Variants in PRH1 observed in about 807,000 individuals in gnomAD.
PRH1 encodes the protein salivary acidic proline-rich phosphoprotein 1/2.
In PRH1, 7 loss-of-function variants were observed where a neutral mutation model predicts 7.9. The ratio of observed to expected loss-of-function variants is 0.89; its 90% CI spans 0.50 to 1.67. PRH1 has a LOEUF of 1.67. Among genes scored for constraint, PRH1 ranks in the 40% most tolerant of loss-of-function variants. The pLI is 0.00. For missense variants in PRH1, 109 were observed against 223.6 expected (o/e 0.49, Z 3.27); for synonymous variants, 45 against 80.8 (o/e 0.56, Z 2.38).
chr12:10,970,649 C>T (rs1447124027), intron 2 of PRH1, among the ~76,000 whole-genome samples: 1 of 151,640 alleles, frequency 6.6e-6, no homozygotes, highest in African/African-American at 2.4e-5. Flanking sequence ...ACTACAACCT[C>T]CGCCTCCCAG....
At chr12:11,041,705 T>C (rs1181545455) in intron 1 of PRH1, among the ~76,000 whole-genome samples, 1 of 152,194 alleles carries the variant, frequency 6.6e-6, no homozygotes, top group Non-Finnish European at 1.5e-5. Context: ...TGGATTTTTC[T>C]CAAGGATAGA....
chr12:10,933,155 A>C (rs1950237768), intron 2 of PRH1, among the ~76,000 whole-genome samples: 2 of 152,154 alleles, frequency 1.3e-5, no homozygotes, highest in African/African-American at 4.8e-5. Context: ...CAAGTGTTTT[A>C]AAAGATGAGT....
At chr12:10,939,903 G>C (rs990219321) in intron 2 of PRH1, among the ~76,000 whole-genome samples, 5 of 151,910 alleles carry the variant, frequency 3.3e-5, no homozygotes, top group African/African-American at 1.2e-4. Flanking sequence ...ATTATCATTT[G>C]AATACGTTAA....
intron 1 of PRH1, among the ~76,000 whole-genome samples, chr12:11,138,990 C>T (rs567978645): frequency 1.1e-4 from 17 of 152,180 alleles, no homozygotes; most frequent in South Asian, 8.3e-4. Flanking sequence ...CATTGAGCCG[C>T]GATTGCACTT....
intron 1 of PRH1, among the ~76,000 whole-genome samples, chr12:11,129,873 G>C (rs1055749897): frequency 1.3e-5 from 2 of 152,180 alleles, no homozygotes; most frequent in Admixed American, 1.3e-4. Context: ...ATTACAGACC[G>C]GGCCCTGTGG....
At chr12:11,159,256 T>C (rs923007605) in intron 1 of PRH1, 3 of 151,388 alleles carry the variant, frequency 2.0e-5, no homozygotes, top group African/African-American at 7.3e-5. Flanking sequence ...GCATTGGACA[T>C]AAAAAGGTAA....
intron 1 of PRH1, chr12:10,986,024 T>G: frequency 1.9e-6 from 3 of 1,613,938 alleles, no homozygotes; most frequent in Non-Finnish European, 2.5e-6. Flanking sequence ...TTCTCCAAAT[T>G]AGGATGAATG....
rs1323305644 is a variant in PRH1 at position 11,094,169 on chromosome 12, G to A, written n.124-46981C>T. 1.8e-5 allele frequency among the ~76,000 whole-genome samples: 2 copies of A among 111,822 alleles called. 1 individual carries two copies. Among genetic ancestry groups the A allele is most frequent in the African/African-American group, 6.0e-5 (2 of 33,094 alleles). The allele number at this position is 111,822 out of a possible 152,430, so 73.4% of individuals were successfully genotyped here. ...ATACAAAAATTAGCAGGGCATGGTG[G>A]TGTGGGCCTGTAGCCCCAGCTACTC... On this transcript the variant is annotated intron_variant and non_coding_transcript_variant, in intron 1 of 4. Transcript: ENST00000541977.
At chr12:11,151,234 G>A (rs1332262117) in intron 1 of PRH1, among the ~76,000 whole-genome samples, 1 of 150,990 alleles carries the variant, frequency 6.6e-6, no homozygotes, top group Non-Finnish European at 1.5e-5. Context: ...ACACGAAGTT[G>A]CAGGCTGCTG....
chr12:11,075,220 TAAGA>T (rs1944244935), intron 1 of PRH1, among the ~76,000 whole-genome samples: 1 of 132,284 alleles, frequency 7.6e-6, no homozygotes, highest in African/African-American at 2.7e-5. Context: ...AAATAATGTG[TAAGA>T]AAGGTGACTC....
chr12:11,086,026 T>C (rs1944674654), intron 1 of PRH1, among the ~76,000 whole-genome samples: 2 of 138,242 alleles, frequency 1.4e-5, no homozygotes, highest in African/African-American at 5.2e-5. Context: ...GGAAGGCCAA[T>C]ATTCCTTAAA....
rs561587904 is a variant in PRH1, at chr12:11,040,044, T to A, written c.-126+6976A>T. Among the ~76,000 whole-genome samples the A allele has an allele frequency of 2.6e-5, 4 of 152,306 alleles. No individual in the cohort carries two copies. In the South Asian group the frequency reaches 6.2e-4, roughly 24 times the overall value. ...CTCTAGAGCCCAGTTAATACTTAAA[T>A]ATTTATTGTTTAATTAAAATACTCA... On this transcript the variant is annotated intron_variant, in intron 1 of 3. Coordinates refer to the PRH1 transcript ENST00000539853.
At chr12:11,151,823 T>C (rs960280350) in intron 1 of PRH1, among the ~76,000 whole-genome samples, 2 of 152,166 alleles carry the variant, frequency 1.3e-5, no homozygotes, top group Non-Finnish European at 2.9e-5. Flanking sequence ...TTCACAACTA[T>C]TTTATAAACA....
intron 1 of PRH1, among the ~76,000 whole-genome samples, chr12:11,107,352 C>T (rs1219016369): frequency 2.0e-5 from 3 of 152,114 alleles, no homozygotes; most frequent in Non-Finnish European, 4.4e-5. Context: ...AGCATGATAC[C>T]TTCTGCTACA....
chr12:10,985,780 A>G (rs1939584344), intron 1 of PRH1: 1 of 621,780 alleles, frequency 1.6e-6, no homozygotes, highest in Non-Finnish European at 2.7e-6. Flanking sequence ...ACACTTTTAG[A>G]CTAACTTTAG....
chr12:11,066,956 T>G (rs186095033), intron 1 of PRH1, among the ~76,000 whole-genome samples: 5 of 152,282 alleles, frequency 3.3e-5, no homozygotes, highest in East Asian at 1.9e-4. Context: ...TGGGGCTTTT[T>G]GGGCATTTTT....
chr12:11,006,131 G>A (rs1004821613), intron 1 of PRH1: 12 of 151,938 alleles, frequency 7.9e-5, no homozygotes, highest in African/African-American at 2.9e-4. Context: ...TTCATATACC[G>A]ACGATTCTGA....
At chr12:10,908,274 T>C in intron 2 of PRH1, 1 of 995,430 alleles carries the variant, frequency 1.0e-6, no homozygotes, top group Admixed American at 2.7e-5. Flanking sequence ...ACCTTCACAA[T>C]AAAAGAAACC....
chr12:11,153,868 T>C lies in PRH1; in HGVS notation n.39+17554A>G, dbSNP rs557879912. Among the ~76,000 whole-genome samples, 95 of 152,122 alleles carry C rather than the reference T, an allele frequency of 6.2e-4. 1 individual carries two copies. Among genetic ancestry groups the C allele is most frequent in the Non-Finnish European group, 1.0e-3 (69 of 68,026 alleles). The stretch of plus-strand genomic sequence containing the variant: ...TGAATGGGTAGATATAACAATATAA[T>C]ACATATAATGTGAATTATGATAAAT... On this transcript the variant is annotated intron_variant and non_coding_transcript_variant, in intron 1 of 1. Transcript: ENST00000541175.
Sources: allele counts gnomAD v4.1 joint callset (sites outside exome capture counted in the v4.1 genomes callset), GRCh38; gene constraint gnomAD v4.1.1; transcripts MANE v1.5; gene names NCBI Gene and HGNC (gene_info 2026-07-23, HGNC 2026-07-21).